The following HCRTR2 variants were observed in gnomAD, a reference collection of about 807,000 sequenced individuals.
HCRTR2 encodes orexin receptor type 2.
A neutral mutation model predicts 49.0 loss-of-function variants in HCRTR2; 22 were observed. The ratio of observed to expected loss-of-function variants is 0.45; its 90% confidence interval spans 0.32 to 0.64. The LOEUF is 0.64. Among genes scored for constraint, HCRTR2 ranks in the 30% least tolerant of loss-of-function variants. The pLI, the probability that HCRTR2 is intolerant of heterozygous loss-of-function variation, is 0.04. For missense variants in HCRTR2, 491 were observed against 559.4 expected (o/e 0.88, Z 1.23); for synonymous variants, 236 against 205.3 (o/e 1.15, Z -1.28).
intron 1 of HCRTR2, among the ~76,000 whole-genome samples, chr6:55,137,165 C>T (rs924606580): frequency 1.1e-4 from 16 of 152,116 alleles, no homozygotes; most frequent in African/African-American, 3.4e-4. Flanking sequence ...AAATGATTCC[C>T]CATAGCAGGG....
Position 55,277,490 on chromosome 6 carries a change from T to C in HCRTR2, c.873T>C (p.Ala291=). ...PTKSRMSAVA[A]EIKQIRARRK... is the part of the protein sequence containing the mutation. ...AGTCCCGGATGAGCGCTGTGGCGGC[T>C]GAAATAAAGCAGATCCGAGCCAGAA... is the stretch of plus-strand genomic sequence containing the variant. Residue 291 remains alanine (A), a synonymous_variant, in exon 5 of 7, where the codon GCT becomes GCC. Coordinates refer to ENST00000370862, the MANE Select transcript of HCRTR2 (RefSeq NM_001384272.1). 1 of 1,614,044 alleles carries C rather than the reference T, an allele frequency of 6.2e-7. No individual in the cohort carries two copies. Among genetic ancestry groups the C allele is most frequent in the Non-Finnish European group, 8.5e-7 (1 of 1,179,990 alleles).
rs754093211 is a variant in HCRTR2 at position 55,280,357 on chromosome 6, G to C, written c.1018G>C (p.Glu340Gln). 3 of 1,611,868 alleles carry C rather than the reference G, an allele frequency of 1.9e-6. No homozygotes were observed. Among genetic ancestry groups the C allele is most frequent in the African/African-American group, 1.3e-5 (1 of 74,864 alleles). The change falls in exon 6 of 7, where the codon GAG becomes CAG. Residue 340 changes from glutamate (E) to glutamine (Q), a missense_variant. Coordinates refer to ENST00000370862, the MANE Select transcript of HCRTR2 (RefSeq NM_001384272.1). ...GATGTTTGCCCATACTGAAGACAGAGAGACTGTGTATGCCTGGTTTACCTT... is the reference window on the plus strand; with the variant it reads ...GATGTTTGCCCATACTGAAGACAGACAGACTGTGTATGCCTGGTTTACCTT... ...FGMFAHTEDR[E>Q]TVYAWFTFSH...
At chr6:55,279,998 T>C (rs1031193015) in intron 5 of HCRTR2, among the ~76,000 whole-genome samples, 1 of 152,146 alleles carries the variant, frequency 6.6e-6, no homozygotes, top group African/African-American at 2.4e-5. Context: ...ACAACATTAT[T>C]CAATTGTATT....
chr6:55,140,633 A>G (rs1764493318), intron 1 of HCRTR2, among the ~76,000 whole-genome samples: 2 of 152,142 alleles, frequency 1.3e-5, no homozygotes, highest in African/African-American at 4.8e-5. Context: ...TTTAACATAT[A>G]TTATCTGTTA....
At chr6:55,254,392 T>G (rs183044838) in intron 2 of HCRTR2, among the ~76,000 whole-genome samples, 1 of 152,136 alleles carries the variant, frequency 6.6e-6, no homozygotes, top group Non-Finnish European at 1.5e-5. Context: ...AATTTTTTGT[T>G]GTTGTTATTT....
intron 1 of HCRTR2, among the ~76,000 whole-genome samples, chr6:55,135,050 T>C (rs984364403): frequency 8.6e-5 from 13 of 151,980 alleles, no homozygotes; most frequent in Admixed American, 7.2e-4. Context: ...GCTTCGCTAG[T>C]AGCAAAGAAT....
At chr6:55,151,248 CTG>C (rs1184668466) in intron 1 of HCRTR2, among the ~76,000 whole-genome samples, 1 of 151,932 alleles carries the variant, frequency 6.6e-6, no homozygotes, top group South Asian at 2.1e-4. Context: ...AAAAATTTCT[CTG>C]TGTTATGCAA....
chr6:55,191,667 A>T (rs1031376947), intron 1 of HCRTR2, among the ~76,000 whole-genome samples: 1 of 152,148 alleles, frequency 6.6e-6, no homozygotes, highest in African/African-American at 2.4e-5. Flanking sequence ...AAAACAAAAA[A>T]CTTCAGCAAC....
At chr6:55,187,667 G>C (rs926358630) in intron 1 of HCRTR2, among the ~76,000 whole-genome samples, 19 of 147,410 alleles carry the variant, frequency 1.3e-4, no homozygotes, top group African/African-American at 4.7e-4. Context: ...TAGTGTGATA[G>C]GGCTATTATT....
At chr6:55,193,550 T>C (rs75991949) in intron 1 of HCRTR2, among the ~76,000 whole-genome samples, 8 of 151,114 alleles carry the variant, frequency 5.3e-5, no homozygotes, top group Non-Finnish European at 1.2e-4. Flanking sequence ...TTTTTTTTTT[T>C]CCTCTCATTC....
At chr6:55,185,831 G>A (rs1174820085) in intron 1 of HCRTR2, among the ~76,000 whole-genome samples, 6 of 152,168 alleles carry the variant, frequency 3.9e-5, no homozygotes, top group Non-Finnish European at 8.8e-5. Context: ...TCTTTTCCTT[G>A]AATAGACAAT....
At chr6:55,203,076 A>G in intron 1 of HCRTR2, among the ~76,000 whole-genome samples, 1 of 152,172 alleles carries the variant, frequency 6.6e-6, no homozygotes, top group East Asian at 1.9e-4. Context: ...TTTTACCGTT[A>G]CATCAAATTA....
intron 1 of HCRTR2, among the ~76,000 whole-genome samples, chr6:55,166,778 T>C (rs1034366918): frequency 4.6e-5 from 7 of 151,992 alleles, no homozygotes; most frequent in Admixed American, 6.6e-5. Context: ...TTATATATAA[T>C]TGGCAAAAAA....
At chr6:55,156,784 A>C (rs1484200010) in intron 1 of HCRTR2, among the ~76,000 whole-genome samples, 1 of 152,186 alleles carries the variant, frequency 6.6e-6, no homozygotes, top group Non-Finnish European at 1.5e-5. Flanking sequence ...AATAGTAATT[A>C]AAAAAACATA....
intron 1 of HCRTR2, among the ~76,000 whole-genome samples, chr6:55,195,586 AT>A (rs879596596): frequency 2.0e-5 from 3 of 152,218 alleles, no homozygotes; most frequent in Non-Finnish European, 4.4e-5. Context: ...TAGAATCGGA[AT>A]GTTGCTAACA....
intron 1 of HCRTR2, among the ~76,000 whole-genome samples, chr6:55,122,931 C>T (rs151260831): frequency 0.26 from 35,175 of 135,206 alleles, 4,692 homozygotes; most frequent in African/African-American, 0.35. Context: ...AACTCTTGGA[C>T]ACAAGAAGGG....
At chr6:55,113,024 G>A (rs1033146097) in intron 1 of HCRTR2, among the ~76,000 whole-genome samples, 1 of 151,958 alleles carries the variant, frequency 6.6e-6, no homozygotes, top group Admixed American at 6.6e-5. Context: ...AACATAAAAT[G>A]GGGAATGGTC....
intron 3 of HCRTR2, among the ~76,000 whole-genome samples, chr6:55,261,464 G>A (rs538867929): frequency 6.6e-6 from 1 of 151,906 alleles, no homozygotes; most frequent in African/African-American, 2.4e-5. Context: ...GAGTGCAGTG[G>A]CATGATCTCA....
chr6:55,226,763 GC>G (rs1766015226), intron 1 of HCRTR2, among the ~76,000 whole-genome samples: 1 of 132,492 alleles, frequency 7.5e-6, no homozygotes, highest in Non-Finnish European at 1.5e-5. Flanking sequence ...TGTCGCCCAG[GC>G]CTGGAGTGCA....
Sources: allele counts gnomAD v4.1 joint callset (sites outside exome capture counted in the v4.1 genomes callset), GRCh38; gene constraint gnomAD v4.1.1; transcripts MANE v1.5; gene names NCBI Gene and HGNC (gene_info 2026-07-23, HGNC 2026-07-21).